The following NKAIN3 variants were observed in gnomAD, a reference collection of about 807,000 sequenced individuals.
NKAIN3 encodes the protein sodium/potassium transporting ATPase interacting 3.
NKAIN3 carries 25 observed loss-of-function variants against 30.2 expected under a neutral mutation model. That is an observed-to-expected ratio of 0.83 (90% confidence interval 0.60 to 1.16). NKAIN3 has a LOEUF of 1.16. Ranked by LOEUF, NKAIN3 falls within the 50% of genes most tolerant of loss-of-function variation. The pLI is 0.00. For missense variants in NKAIN3, 225 were observed against 254.1 expected, an observed-to-expected ratio of 0.89 and a Z score of 0.78; for synonymous variants, 91 against 89.6, an observed-to-expected ratio of 1.02 and a Z score of -0.09.
At chr8:62,696,342 G>A (rs1814153801) in intron 3 of NKAIN3, among the ~76,000 whole-genome samples, 1 of 152,144 alleles carries the variant, frequency 6.6e-6, no homozygotes, top group Non-Finnish European at 1.5e-5. Context: ...CCCAGACTCA[G>A]AATTAATGAC....
intron 4 of NKAIN3, among the ~76,000 whole-genome samples, chr8:62,812,785 A>G (rs2130716674): frequency 6.6e-6 from 1 of 152,012 alleles, no homozygotes; most frequent in East Asian, 1.9e-4. Context: ...TTCCTCCCTG[A>G]ATGATAAGAT....
At chr8:62,746,447 A>G (rs138862716) in intron 3 of NKAIN3, among the ~76,000 whole-genome samples, 145 of 152,324 alleles carry the variant, frequency 9.5e-4, no homozygotes, top group African/African-American at 3.2e-3. Context: ...GGTGGAGGCA[A>G]TTATTCAGCC....
intron 4 of NKAIN3, chr8:62,855,470 T>C: frequency 7.5e-7 from 1 of 1,331,450 alleles, no homozygotes; most frequent in Admixed American, 1.7e-5. Flanking sequence ...TCCAAAATCT[T>C]CATTATTTTG....
At chr8:62,631,338 C>G (rs1490497609) in intron 3 of NKAIN3, among the ~76,000 whole-genome samples, 1 of 152,136 alleles carries the variant, frequency 6.6e-6, no homozygotes, top group Admixed American at 6.6e-5. Flanking sequence ...CCTGCCCCAT[C>G]TCTGATATTT....
chr8:62,879,275 T>C (rs1820898328), intron 4 of NKAIN3, among the ~76,000 whole-genome samples: 4 of 152,248 alleles, frequency 2.6e-5, no homozygotes, highest in Admixed American at 2.6e-4. Flanking sequence ...ATGATGAGCA[T>C]TTTTTCATGT....
chr8:62,720,665 T>G (rs369059042), intron 3 of NKAIN3, among the ~76,000 whole-genome samples: 1 of 152,202 alleles, frequency 6.6e-6, no homozygotes, highest in African/African-American at 2.4e-5. Context: ...TATAGCATAT[T>G]CTCCAAAGGC....
chr8:62,421,400 T>C (rs1804637043), intron 1 of NKAIN3, among the ~76,000 whole-genome samples: 1 of 152,190 alleles, frequency 6.6e-6, no homozygotes, highest in African/African-American at 2.4e-5. Context: ...CTGTCTTAAC[T>C]GTTTCCTCCC....
At chr8:62,588,959 C>G (rs1810566570) in intron 2 of NKAIN3, among the ~76,000 whole-genome samples, 1 of 151,766 alleles carries the variant, frequency 6.6e-6, no homozygotes, top group Non-Finnish European at 1.5e-5. Flanking sequence ...CATTGATTCT[C>G]CATTGATGAG....
chr8:62,779,215 C>T (rs1332719213), intron 4 of NKAIN3, among the ~76,000 whole-genome samples: 2 of 152,102 alleles, frequency 1.3e-5, no homozygotes, highest in African/African-American at 4.8e-5. Context: ...ACTGATGTAG[C>T]TGGCATCTCA....
At chr8:62,535,271 A>G (rs77783566) in intron 1 of NKAIN3, among the ~76,000 whole-genome samples, 1,937 of 152,208 alleles carry the variant, frequency 0.013, 42 homozygotes, top group African/African-American at 0.041. Flanking sequence ...TTCTATTCTC[A>G]CACTAAAGCA....
intron 3 of NKAIN3, among the ~76,000 whole-genome samples, chr8:62,716,414 TA>T (rs148703934): frequency 0.013 from 1,964 of 152,328 alleles, 36 homozygotes; most frequent in African/African-American, 0.045. Context: ...ATCTATCTGC[TA>T]GGGTGCTTCA....
chr8:62,790,587 G>C (rs1191930142), intron 4 of NKAIN3, among the ~76,000 whole-genome samples: 17 of 151,646 alleles, frequency 1.1e-4, no homozygotes, highest in East Asian at 5.8e-4. Flanking sequence ...CTGTCTGTGT[G>C]TGTGTGTGTG....
At chr8:62,473,091 G>A (rs564263462) in intron 1 of NKAIN3, 2 of 152,322 alleles carry the variant, frequency 1.3e-5, no homozygotes, top group South Asian at 2.1e-4. Flanking sequence ...CATTGCTGCT[G>A]TTTAATTCTC....
At chr8:62,656,992 C>A (rs902048726) in intron 3 of NKAIN3, among the ~76,000 whole-genome samples, 31 of 152,146 alleles carry the variant, frequency 2.0e-4, no homozygotes, top group African/African-American at 7.2e-4. Context: ...GTTTTCTAAG[C>A]TAAAACATTA....
intron 1 of NKAIN3, among the ~76,000 whole-genome samples, chr8:62,413,672 A>G (rs953193974): frequency 1.3e-5 from 2 of 152,178 alleles, no homozygotes; most frequent in African/African-American, 4.8e-5. Context: ...TCACGTTTTG[A>G]CTAAGCTTAT....
At chr8:62,341,396 C>T (rs1405896743) in intron 1 of NKAIN3, among the ~76,000 whole-genome samples, 2 of 151,996 alleles carry the variant, frequency 1.3e-5, no homozygotes, top group South Asian at 2.1e-4. Flanking sequence ...GAAATTCATT[C>T]TAGAAATAAT....
chr8:62,345,404 T>C (rs71513475), intron 1 of NKAIN3, among the ~76,000 whole-genome samples: 30 of 69,408 alleles, frequency 4.3e-4, no homozygotes, highest in Middle Eastern at 9.4e-3. Flanking sequence ...CATATACACA[T>C]ATATGTATAT....
chr8:62,478,313 T>C (rs1806587929), intron 1 of NKAIN3, among the ~76,000 whole-genome samples: 1 of 152,234 alleles, frequency 6.6e-6, no homozygotes, highest in African/African-American at 2.4e-5. Flanking sequence ...TGCATGCTTT[T>C]AACCATTAGA....
intron 3 of NKAIN3, among the ~76,000 whole-genome samples, chr8:62,631,712 CT>C (rs1369850219): frequency 6.6e-6 from 1 of 152,136 alleles, no homozygotes; most frequent in Non-Finnish European, 1.5e-5. Flanking sequence ...CCTGCTCCCC[CT>C]AATACCTAAT....
Sources: allele counts gnomAD v4.1 joint callset (sites outside exome capture counted in the v4.1 genomes callset), GRCh38; gene constraint gnomAD v4.1.1; transcripts MANE v1.5; gene names NCBI Gene and HGNC (gene_info 2026-07-23, HGNC 2026-07-21).